The following PHACTR1 variants were observed in gnomAD, a reference collection of about 807,000 sequenced individuals.
PHACTR1 encodes phosphatase and actin regulator 1.
A neutral mutation model predicts 69.2 loss-of-function variants in PHACTR1; 16 were observed. That is an observed-to-expected ratio of 0.23 (90% confidence interval 0.16 to 0.35). PHACTR1 has a LOEUF of 0.35. PHACTR1 is among the 10% of genes least tolerant of loss of function. PHACTR1 has a pLI of 1.00. For missense variants in PHACTR1, 510 were observed against 734.7 expected, an observed-to-expected ratio of 0.69 and a Z score of 3.54; for synonymous variants, 312 against 284.5, an observed-to-expected ratio of 1.10 and a Z score of -0.97.
In PHACTR1 at chr6:12,718,713, T is replaced by C. The variant is rs1761720174; in HGVS notation, c.-32T>C. The C allele has an allele frequency of 3.9e-6, 5 of 1,296,742 alleles. No homozygotes were observed. The South Asian group carries it at 5.7e-5, about 15-fold the overall frequency. 80.3% of individuals were successfully genotyped at this position (1,296,742 alleles called of 1,614,324 possible). A position where few individuals can be genotyped will look rare whatever the true frequency, so the allele number is the denominator to read the frequency against. ...CCTCTTTATAGGTGTTCCAGTGTTT[T>C]CTCTCAAAACTCTGTGTTTGGAACA... On this transcript the variant is annotated 5_prime_UTR_variant, in exon 3 of 15. Transcript: ENST00000332995.
chr6:13,129,104 T>C (rs1303788330), intron 5 of PHACTR1, among the ~76,000 whole-genome samples: 1 of 152,138 alleles, frequency 6.6e-6, no homozygotes, highest in Non-Finnish European at 1.5e-5. Flanking sequence ...AAACAAATGC[T>C]GAGAGAATTT....
intron 3 of PHACTR1, among the ~76,000 whole-genome samples, chr6:12,745,462 G>T (rs570073836): frequency 1.3e-4 from 20 of 152,250 alleles, no homozygotes; most frequent in African/African-American, 4.3e-4. Context: ...AGTCATTGAG[G>T]TCACAGTTGA....
At chr6:13,250,975 T>C (rs1463122354) in intron 10 of PHACTR1, among the ~76,000 whole-genome samples, 3 of 151,658 alleles carry the variant, frequency 2.0e-5, no homozygotes, top group South Asian at 2.1e-4. Flanking sequence ...ATGACACTTA[T>C]TGTATGAAGA....
chr6:12,823,156 C>T (rs980108327), intron 4 of PHACTR1, among the ~76,000 whole-genome samples: 1 of 152,202 alleles, frequency 6.6e-6, no homozygotes, highest in Admixed American at 6.5e-5. Context: ...TAAACAGGGG[C>T]AAGTTACTTA....
intron 6 of PHACTR1, among the ~76,000 whole-genome samples, chr6:13,175,368 A>G (rs556136398): frequency 3.9e-4 from 60 of 152,178 alleles, no homozygotes; most frequent in Non-Finnish European, 5.7e-4. Flanking sequence ...GAAGTCAGGC[A>G]TCATCCAACA....
At chr6:13,093,121 C>T (rs1293963553) in intron 5 of PHACTR1, among the ~76,000 whole-genome samples, 2 of 152,082 alleles carry the variant, frequency 1.3e-5, no homozygotes, top group Non-Finnish European at 2.9e-5. Flanking sequence ...TCTTAGTGAT[C>T]TTGGGCAATA....
chr6:13,189,781 G>A (rs55637438), intron 7 of PHACTR1, among the ~76,000 whole-genome samples: 8,015 of 152,082 alleles, frequency 0.053, 375 homozygotes, highest in African/African-American at 0.13. Context: ...TTTGAAAATC[G>A]GCCCCTTTGT....
At chr6:13,011,223 C>T (rs115896812) in intron 4 of PHACTR1, among the ~76,000 whole-genome samples, 1 of 152,304 alleles carries the variant, frequency 6.6e-6, no homozygotes, top group Admixed American at 6.5e-5. Flanking sequence ...ATGCAGTGGC[C>T]ACTAGCCACA....
At chr6:12,835,015 A>G (rs1236866329) in intron 4 of PHACTR1, among the ~76,000 whole-genome samples, 1 of 152,160 alleles carries the variant, frequency 6.6e-6, no homozygotes, top group African/African-American at 2.4e-5. Flanking sequence ...GATAATTCAG[A>G]AAAAGGGAGC....
intron 3 of PHACTR1, among the ~76,000 whole-genome samples, chr6:12,737,780 G>A (rs989758664): frequency 1.3e-5 from 2 of 151,816 alleles, no homozygotes; most frequent in African/African-American, 4.8e-5. Context: ...ATTTTTTATA[G>A]AAACAAAGTT....
chr6:12,730,986 T>TATTATTTA (rs1763434738), intron 3 of PHACTR1, among the ~76,000 whole-genome samples: 1 of 137,948 alleles, frequency 7.2e-6, no homozygotes, highest in Admixed American at 7.3e-5. Context: ...ATATTACCTT[T>TATTATTTA]TTTATTTATT....
chr6:12,746,933 T>G (rs903760728), intron 3 of PHACTR1, among the ~76,000 whole-genome samples: 5 of 152,208 alleles, frequency 3.3e-5, no homozygotes, highest in Admixed American at 2.0e-4. Context: ...TATTTAGAAT[T>G]GTTTATTTCC....
chr6:13,282,896 G>A (rs1049680127), intron 12 of PHACTR1, among the ~76,000 whole-genome samples: 6 of 134,256 alleles, frequency 4.5e-5, no homozygotes, highest in Admixed American at 1.5e-4. Flanking sequence ...ATGTTATGAA[G>A]ATAGAGACTG....
At chr6:12,848,929 T>G (rs896799081) in intron 4 of PHACTR1, among the ~76,000 whole-genome samples, 1 of 152,184 alleles carries the variant, frequency 6.6e-6, no homozygotes, top group Non-Finnish European at 1.5e-5. Context: ...CTTTTTTTTT[T>G]TTCACTTCTC....
chr6:13,132,190 T>A lies in PHACTR1; in HGVS notation c.416-28014T>A, dbSNP rs146817780. ...AGTTACAATAACTCAGTGGGAGAAC[T>A]GGTTGAGGTCTTTGTTCTAGTTCTG... is the stretch of plus-strand genomic sequence containing the variant. On this transcript the variant is annotated intron_variant, in intron 5 of 14. Transcript: ENST00000332995. Among the ~76,000 whole-genome samples, 662 of 152,314 alleles carry A rather than the reference T, an allele frequency of 4.3e-3. 8 individuals are homozygous for A. The highest frequency in any genetic ancestry group is 0.015 in the African/African-American group (619 of 41,568).
At chr6:12,940,311 CT>C (rs1024673093) in intron 4 of PHACTR1, among the ~76,000 whole-genome samples, 2 of 152,106 alleles carry the variant, frequency 1.3e-5, no homozygotes, top group African/African-American at 4.8e-5. Context: ...TGCTTTTCAG[CT>C]TTTTGTGTTA....
chr6:12,803,975 A>G (rs1399211499), intron 4 of PHACTR1, among the ~76,000 whole-genome samples: 3 of 152,172 alleles, frequency 2.0e-5, no homozygotes, highest in East Asian at 3.9e-4. Context: ...CAAATTATCA[A>G]TTGGTCCTCG....
chr6:12,851,745 T>C (rs1290504026), intron 4 of PHACTR1, among the ~76,000 whole-genome samples: 4 of 152,200 alleles, frequency 2.6e-5, no homozygotes, highest in Non-Finnish European at 4.4e-5. Context: ...CAATCAGGCA[T>C]TGCTCTGCCG....
At chr6:12,862,746 T>A (rs7770745) in intron 4 of PHACTR1, among the ~76,000 whole-genome samples, 107,613 of 152,130 alleles carry the variant, frequency 0.71, 38,904 homozygotes, top group East Asian at 0.99. Flanking sequence ...TGTGTGCACA[T>A]CTGAGAAACT....
Sources: allele counts gnomAD v4.1 joint callset (sites outside exome capture counted in the v4.1 genomes callset), GRCh38; gene constraint gnomAD v4.1.1; transcripts MANE v1.5; gene names NCBI Gene and HGNC (gene_info 2026-07-23, HGNC 2026-07-21).